The following TBC1D19 variants were observed in gnomAD, a reference collection of about 807,000 sequenced individuals.
The protein encoded by TBC1D19 is TBC1 domain family, member 19.
Under a neutral mutation model 89.0 loss-of-function variants are expected in TBC1D19, and 60 were observed. The observed-to-expected ratio is 0.67, with a 90% CI of 0.55 to 0.84. The LOEUF is 0.84. Ranked by LOEUF, TBC1D19 falls within the 40% of genes least tolerant of loss-of-function variation. The pLI is 0.00. For synonymous variants in TBC1D19, 189 were observed against 199.7 expected (o/e 0.95, Z 0.45); for missense variants, 500 against 610.8 (o/e 0.82, Z 1.91).
chr4:26,710,133 A>G (rs1716058838), intron 13 of TBC1D19, among the ~76,000 whole-genome samples: 1 of 151,954 alleles, frequency 6.6e-6, no homozygotes, highest in African/African-American at 2.4e-5. Flanking sequence ...TGCACCCATT[A>G]ACTCGTCATT....
At chr4:26,590,827 T>TTTTTTTTTTTG (rs1739743499) in intron 1 of TBC1D19, among the ~76,000 whole-genome samples, 2 of 124,044 alleles carry the variant, frequency 1.6e-5, no homozygotes, top group Non-Finnish European at 3.5e-5. Context: ...TTTTTTTTTT[T>TTTTTTTTTTTG]GTGAGTCAGT....
chr4:26,766,541 GA>G, the TBC1D19 span, among the ~76,000 whole-genome samples: 1 of 152,192 alleles, frequency 6.6e-6, no homozygotes, highest in African/African-American at 2.4e-5. Context: ...TATGCCATGT[GA>G]GGGAGGTAGT....
At chr4:26,799,432 CA>C in the TBC1D19 span, among the ~76,000 whole-genome samples, 1 of 152,170 alleles carries the variant, frequency 6.6e-6, no homozygotes, top group Non-Finnish European at 1.5e-5. Flanking sequence ...AGGACAGATA[CA>C]CATATTTGAC....
intron 1 of TBC1D19, among the ~76,000 whole-genome samples, chr4:26,606,211 G>A (rs1453631695): frequency 6.6e-6 from 1 of 152,080 alleles, no homozygotes; most frequent in Non-Finnish European, 1.5e-5. Context: ...GAATATCAGT[G>A]GTCTAGTGGA....
intron 7 of TBC1D19, among the ~76,000 whole-genome samples, chr4:26,647,509 A>G (rs1744058235): frequency 6.6e-6 from 1 of 152,096 alleles, no homozygotes; most frequent in Non-Finnish European, 1.5e-5. Flanking sequence ...ACCTTTTCCC[A>G]CCTAGAATCT....
chr4:26,607,400 C>T lies in TBC1D19; in HGVS notation c.100-5769C>T, dbSNP rs577920982. Among the ~76,000 whole-genome samples, 6 of 152,154 alleles carry T rather than the reference C, an allele frequency of 3.9e-5. No homozygotes were observed. In the South Asian group the frequency reaches 1.2e-3, roughly 32 times the overall value. ...CTTTAATTTATATTGGACTTCACAG[C>T]CTAAAAATAACTGAAAAATTTTCTA... On this transcript the variant is annotated intron_variant, in intron 1 of 20. Coordinates refer to ENST00000264866, the MANE Select transcript of TBC1D19 (RefSeq NM_018317.4).
At chr4:26,733,746 A>C (rs1717802584) in intron 15 of TBC1D19, among the ~76,000 whole-genome samples, 1 of 152,236 alleles carries the variant, frequency 6.6e-6, no homozygotes. Flanking sequence ...CAGGATTATT[A>C]TCTCTAACTG....
chr4:26,783,289 A>G, the TBC1D19 span, among the ~76,000 whole-genome samples: 1 of 152,332 alleles, frequency 6.6e-6, no homozygotes, highest in East Asian at 1.9e-4. Context: ...CAAGAAATGA[A>G]GGCTGCTCAT....
At chr4:26,617,019 C>G (rs1185274174) in intron 3 of TBC1D19, among the ~76,000 whole-genome samples, 1 of 152,152 alleles carries the variant, frequency 6.6e-6, no homozygotes, top group Non-Finnish European at 1.5e-5. Flanking sequence ...AAAACTGAGG[C>G]TTAAACCATG....
chr4:26,790,600 T>C, the TBC1D19 span, among the ~76,000 whole-genome samples: 2 of 152,208 alleles, frequency 1.3e-5, no homozygotes, highest in Non-Finnish European at 2.9e-5. Context: ...TGTTTAGGGG[T>C]TGCAAAGGCA....
At chr4:26,828,356 T>C in the TBC1D19 span, among the ~76,000 whole-genome samples, 1 of 152,208 alleles carries the variant, frequency 6.6e-6, no homozygotes, top group East Asian at 1.9e-4. Flanking sequence ...TTGCTAGAAC[T>C]CCGTTACTGG....
At chr4:26,803,073 T>C in the TBC1D19 span, among the ~76,000 whole-genome samples, 2 of 152,148 alleles carry the variant, frequency 1.3e-5, no homozygotes, top group Non-Finnish European at 2.9e-5. Context: ...TACCATCACA[T>C]TGGAGGTTAG....
intron 12 of TBC1D19, among the ~76,000 whole-genome samples, chr4:26,685,110 T>G (rs1713696336): frequency 6.6e-6 from 1 of 152,232 alleles, no homozygotes; most frequent in Non-Finnish European, 1.5e-5. Flanking sequence ...TCAGGCAGGC[T>G]ACTCTGGTAG....
intron 1 of TBC1D19, among the ~76,000 whole-genome samples, chr4:26,596,439 T>G (rs1577769341): frequency 6.6e-6 from 1 of 151,062 alleles, no homozygotes; most frequent in East Asian, 1.9e-4. Context: ...TGTTACCATT[T>G]CTGATAATGG....
At chr4:26,593,850 G>C (rs1481146625) in intron 1 of TBC1D19, among the ~76,000 whole-genome samples, 1 of 152,202 alleles carries the variant, frequency 6.6e-6, no homozygotes, top group Admixed American at 6.5e-5. Flanking sequence ...ACAGGTGCTG[G>C]AGAGGTTGTG....
At chr4:26,652,197 G>T (rs1225253350) in intron 7 of TBC1D19, among the ~76,000 whole-genome samples, 1 of 152,066 alleles carries the variant, frequency 6.6e-6, no homozygotes, top group African/African-American at 2.4e-5. Flanking sequence ...GTCTCTGCCA[G>T]GCTTTGGTAT....
intron 15 of TBC1D19, among the ~76,000 whole-genome samples, chr4:26,721,102 T>G: frequency 6.6e-6 from 1 of 151,968 alleles, no homozygotes; most frequent in East Asian, 1.9e-4. Context: ...CTGCTGCTCT[T>G]CTCTTTTCTT....
At chr4:26,788,459 T>C in the TBC1D19 span, among the ~76,000 whole-genome samples, 1 of 152,202 alleles carries the variant, frequency 6.6e-6, no homozygotes, top group Non-Finnish European at 1.5e-5. Context: ...TTTAATCAGA[T>C]ACTCTTGGTT....
intron 13 of TBC1D19, among the ~76,000 whole-genome samples, chr4:26,696,877 A>T (rs1426505661): frequency 2.6e-5 from 4 of 152,244 alleles, no homozygotes; most frequent in Admixed American, 6.5e-5. Context: ...AGGGAAATTT[A>T]TAGCACTAAA....
Sources: allele counts gnomAD v4.1 joint callset (sites outside exome capture counted in the v4.1 genomes callset), GRCh38; gene constraint gnomAD v4.1.1; transcripts MANE v1.5; gene names NCBI Gene and HGNC (gene_info 2026-07-23, HGNC 2026-07-21).